Variants in UBL3 observed in about 807,000 individuals in gnomAD.
UBL3 encodes the protein ubiquitin-like protein 3.
UBL3 carries 6 observed loss-of-function variants against 18.4 expected under a neutral mutation model. The ratio of observed to expected loss-of-function variants is 0.33; its 90% CI spans 0.18 to 0.64. UBL3 has a LOEUF of 0.64. UBL3 is among the 30% of genes least tolerant of loss of function. The probability of loss-of-function intolerance (pLI) is 0.76; values close to 1 mark genes in which losing one functional copy is unlikely to be tolerated. For synonymous variants in UBL3, 49 were observed against 46.6 expected (o/e 1.05, Z -0.21); for missense variants, 109 against 142.9 (o/e 0.76, Z 1.21).
chr13:29,839,557 G>A (rs1395408791), intron 1 of UBL3, among the ~76,000 whole-genome samples: 2 of 152,184 alleles, frequency 1.3e-5, no homozygotes, highest in Non-Finnish European at 2.9e-5. Flanking sequence ...GGGAGGCTAA[G>A]GAGGAAGGAG....
At chr13:29,776,757 G>C (rs1254098876) in intron 2 of UBL3, among the ~76,000 whole-genome samples, 6 of 150,670 alleles carry the variant, frequency 4.0e-5, no homozygotes, top group African/African-American at 1.5e-4. Context: ...TGAAGTCCCA[G>C]CTACTCGGGA....
At chr13:29,839,651 G>A (rs1483179925) in intron 1 of UBL3, among the ~76,000 whole-genome samples, 2 of 152,120 alleles carry the variant, frequency 1.3e-5, no homozygotes, top group African/African-American at 4.8e-5. Flanking sequence ...AAATAGGCCG[G>A]GCGCAGTGGC....
Position 29,820,169 on chromosome 13 carries a change from C to CTTT in UBL3, c.27+29340_27+29342dup, listed in dbSNP as rs36050662. On this transcript the variant is annotated intron_variant, in intron 1 of 4. Coordinates refer to ENST00000380680, the MANE Select transcript of UBL3 (RefSeq NM_007106.4). ...TCCCACTGAGAGGCCCTCAGAGTTC[C>CTTT]TTTTTTTTTTTTTTTTTTTTTTTGA... Among the ~76,000 whole-genome samples the CTTT allele has an allele frequency of 1.8e-3, 188 of 104,944 alleles. 1 individual carries two copies. Among genetic ancestry groups the CTTT allele is most frequent in the Non-Finnish European group, 2.7e-3 (147 of 55,248 alleles). The allele number at this position is 104,944 out of a possible 152,430, so 68.8% of individuals were successfully genotyped here.
At chr13:29,782,907 A>G (rs1410094600) in intron 1 of UBL3, among the ~76,000 whole-genome samples, 1 of 152,154 alleles carries the variant, frequency 6.6e-6, no homozygotes, top group Non-Finnish European at 1.5e-5. Context: ...GAGTAAAGTA[A>G]CTCTTGCCTG....
intron 1 of UBL3, among the ~76,000 whole-genome samples, chr13:29,819,790 AC>A (rs1379792729): frequency 1.3e-5 from 2 of 151,552 alleles, no homozygotes; most frequent in African/African-American, 4.8e-5. Flanking sequence ...CACCGCCCCC[AC>A]CCCCAAGAAT....
At chr13:29,836,677 C>G (rs951925143) in intron 1 of UBL3, among the ~76,000 whole-genome samples, 1 of 151,904 alleles carries the variant, frequency 6.6e-6, no homozygotes, top group African/African-American at 2.4e-5. Context: ...TTGTATGAAT[C>G]TCACTGGGCT....
chr13:29,826,192 C>T (rs1470655123), intron 1 of UBL3, among the ~76,000 whole-genome samples: 1 of 152,166 alleles, frequency 6.6e-6, no homozygotes, highest in Non-Finnish European at 1.5e-5. Context: ...ACTTTGGTGT[C>T]AGGATGATGC....
intron 1 of UBL3, among the ~76,000 whole-genome samples, chr13:29,809,808 G>C (rs556512138): frequency 1.9e-4 from 29 of 152,204 alleles, no homozygotes; most frequent in Admixed American, 1.3e-3. Context: ...TCTGGTTCCT[G>C]ATCTAAAATA....
intron 1 of UBL3, among the ~76,000 whole-genome samples, chr13:29,819,855 T>C: frequency 6.6e-6 from 1 of 152,064 alleles, no homozygotes; most frequent in Non-Finnish European, 1.5e-5. Flanking sequence ...CTGAGACCTC[T>C]ATCACAGGAG....
At chr13:29,827,038 T>C (rs569068304) in intron 1 of UBL3, among the ~76,000 whole-genome samples, 1 of 152,224 alleles carries the variant, frequency 6.6e-6, no homozygotes, top group Admixed American at 6.5e-5. Context: ...GATTGCACTG[T>C]GGTCTGAGAG....
At chr13:29,807,082 T>G (rs1877917281) in intron 1 of UBL3, among the ~76,000 whole-genome samples, 1 of 152,232 alleles carries the variant, frequency 6.6e-6, no homozygotes, top group Non-Finnish European at 1.5e-5. Flanking sequence ...AATATGAATT[T>G]GGGCATTTGA....
intron 1 of UBL3, among the ~76,000 whole-genome samples, chr13:29,817,078 C>T (rs1374461726): frequency 6.6e-6 from 1 of 152,192 alleles, no homozygotes; most frequent in East Asian, 1.9e-4. Flanking sequence ...ACATTTTGTA[C>T]TGAGAACTGT....
At chr13:29,779,670 C>T (rs559195930) in intron 1 of UBL3, among the ~76,000 whole-genome samples, 1 of 152,234 alleles carries the variant, frequency 6.6e-6, no homozygotes, top group South Asian at 2.1e-4. Flanking sequence ...TGTTAAACGA[C>T]ATGAGATAAA....
chr13:29,804,633 G>A (rs1330204538), intron 1 of UBL3, among the ~76,000 whole-genome samples: 1 of 151,882 alleles, frequency 6.6e-6, no homozygotes, highest in African/African-American at 2.4e-5. Context: ...TGACCCCACA[G>A]TAATACAAAA....
At chr13:29,778,415 TC>T (rs1286447347) in intron 1 of UBL3, among the ~76,000 whole-genome samples, 1 of 152,184 alleles carries the variant, frequency 6.6e-6, no homozygotes, top group Non-Finnish European at 1.5e-5. Context: ...CAAGTGTTGT[TC>T]CTATTACTCC....
chr13:29,776,783 A>G (rs1443392000), intron 2 of UBL3, among the ~76,000 whole-genome samples: 1 of 145,628 alleles, frequency 6.9e-6, no homozygotes, highest in Non-Finnish European at 1.5e-5. Flanking sequence ...AGGTAGGGGA[A>G]TCACTTGAGC....
At chr13:29,810,496 A>G (rs1367102407) in intron 1 of UBL3, among the ~76,000 whole-genome samples, 3 of 152,118 alleles carry the variant, frequency 2.0e-5, no homozygotes, top group African/African-American at 4.8e-5. Flanking sequence ...CCAAAAGAAG[A>G]AAGTGTTTAA....
chr13:29,809,352 C>T (rs1029420292), intron 1 of UBL3, among the ~76,000 whole-genome samples: 7 of 151,846 alleles, frequency 4.6e-5, no homozygotes, highest in Non-Finnish European at 1.0e-4. Flanking sequence ...ATAAAAACTC[C>T]AAAGCAGAAA....
chr13:29,831,286 C>T (rs1878763179), intron 1 of UBL3, among the ~76,000 whole-genome samples: 1 of 152,106 alleles, frequency 6.6e-6, no homozygotes, highest in South Asian at 2.1e-4. Context: ...ATACTACTTG[C>T]TCTTTTAAAA....
Sources: allele counts gnomAD v4.1 joint callset (sites outside exome capture counted in the v4.1 genomes callset), GRCh38; gene constraint gnomAD v4.1.1; transcripts MANE v1.5; gene names NCBI Gene and HGNC (gene_info 2026-07-23, HGNC 2026-07-21).